DACH1: variants seen among roughly 807,000 people sequenced by gnomAD.
The protein encoded by DACH1 is dachshund family transcription factor 1.
A neutral mutation model predicts 54.2 loss-of-function variants in DACH1; 12 were observed. That is an observed-to-expected ratio of 0.22 (90% confidence interval 0.14 to 0.36). The LOEUF (loss-of-function observed/expected upper bound fraction) is 0.36, where lower values mean the gene tolerates loss of function less well. Ranked by LOEUF, DACH1 falls within the 10% of genes least tolerant of loss-of-function variation. The pLI is 1.00. For synonymous variants in DACH1, 386 were observed against 366.2 expected (o/e 1.05, Z -0.62); for missense variants, 805 against 929.8 (o/e 0.87, Z 1.75).
intron 10 of DACH1, among the ~76,000 whole-genome samples, chr13:71,444,094 A>C (rs1874238972): frequency 6.6e-6 from 1 of 152,070 alleles, no homozygotes; most frequent in African/African-American, 2.4e-5. Context: ...TAGTAAACAA[A>C]CCTAATAATA....
intron 6 of DACH1, among the ~76,000 whole-genome samples, chr13:71,505,164 C>T (rs993440905): frequency 3.9e-5 from 6 of 152,042 alleles, no homozygotes; most frequent in Non-Finnish European, 7.4e-5. Context: ...TTCACTGCAA[C>T]GTCCGGCTCC....
intron 3 of DACH1, among the ~76,000 whole-genome samples, chr13:71,576,509 T>A (rs1426060474): frequency 6.6e-6 from 1 of 152,158 alleles, no homozygotes. Flanking sequence ...CACTTGATAT[T>A]TTTATTGCAT....
At chr13:71,617,376 C>G (rs1207443900) in intron 3 of DACH1, among the ~76,000 whole-genome samples, 1 of 152,138 alleles carries the variant, frequency 6.6e-6, no homozygotes, top group Admixed American at 6.5e-5. Context: ...TTACAGCCAA[C>G]TAATCAGAAT....
At chr13:71,732,435 A>G (rs1248782927) in intron 1 of DACH1, among the ~76,000 whole-genome samples, 1 of 151,850 alleles carries the variant, frequency 6.6e-6, no homozygotes, top group South Asian at 2.1e-4. Context: ...AAATACAAAA[A>G]TTAGCTGGGT....
At chr13:71,589,278 C>T (rs1873519586) in intron 3 of DACH1, among the ~76,000 whole-genome samples, 1 of 151,926 alleles carries the variant, frequency 6.6e-6, no homozygotes, top group South Asian at 2.1e-4. Flanking sequence ...GATTTTATTA[C>T]ACTGTTGGTT....
chr13:71,728,139 G>A (rs1477735215), intron 1 of DACH1, among the ~76,000 whole-genome samples: 1 of 151,926 alleles, frequency 6.6e-6, no homozygotes, highest in African/African-American at 2.4e-5. Context: ...AGAAAAACGG[G>A]AAAAACTACC....
chr13:71,578,436 T>C (rs556059726), intron 3 of DACH1, among the ~76,000 whole-genome samples: 1 of 152,288 alleles, frequency 6.6e-6, no homozygotes, highest in South Asian at 2.1e-4. Flanking sequence ...GGTGAGAGAA[T>C]AAACAAGTTA....
At chr13:71,456,019 CA>C (rs1395889124) in intron 10 of DACH1, among the ~76,000 whole-genome samples, 2 of 151,974 alleles carry the variant, frequency 1.3e-5, no homozygotes. Flanking sequence ...TGTCCTATTA[CA>C]AAAAACTGTA....
rs142802568 is a variant in DACH1, at chr13:71,699,790, G to A, written c.849-17880C>T. On this transcript the variant is annotated intron_variant, in intron 1 of 10. Coordinates refer to ENST00000613252, the MANE Select transcript of DACH1 (RefSeq NM_080759.6). ...GCATATTGGTCTTATTTATAGGAAC[G>A]CATAACTAACAAAGAAATATCAAAA... 5.0e-3 allele frequency among the ~76,000 whole-genome samples: 758 copies of A among 152,108 alleles called. 6 individuals carry two copies. Among genetic ancestry groups the A allele is most frequent in the African/African-American group, 0.017 (724 of 41,492 alleles).
At chr13:71,709,204 T>C (rs989036242) in intron 1 of DACH1, among the ~76,000 whole-genome samples, 6 of 152,072 alleles carry the variant, frequency 3.9e-5, no homozygotes, top group African/African-American at 1.4e-4. Flanking sequence ...CTTATATATG[T>C]ACTTTTTTAA....
chr13:71,454,395 T>C (rs1875363185), intron 10 of DACH1, among the ~76,000 whole-genome samples: 1 of 152,170 alleles, frequency 6.6e-6, no homozygotes, highest in African/African-American at 2.4e-5. Context: ...CCATACATGA[T>C]ACCTTCTCCT....
intron 1 of DACH1, among the ~76,000 whole-genome samples, chr13:71,767,161 AAATT>A (rs1370564770): frequency 2.0e-5 from 3 of 151,956 alleles, no homozygotes; most frequent in South Asian, 2.1e-4. Flanking sequence ...GTTTATCAAT[AAATT>A]AAGTTAATAT....
At chr13:71,774,831 A>G (rs1235133016) in intron 1 of DACH1, among the ~76,000 whole-genome samples, 3 of 152,148 alleles carry the variant, frequency 2.0e-5, no homozygotes, top group African/African-American at 7.2e-5. Context: ...AAAATAGGTC[A>G]CTGTCATTTT....
At chr13:71,594,378 G>A (rs1385682268) in intron 3 of DACH1, among the ~76,000 whole-genome samples, 1 of 151,948 alleles carries the variant, frequency 6.6e-6, no homozygotes, top group Non-Finnish European at 1.5e-5. Flanking sequence ...GATTTAGAGA[G>A]ATATAACTAC....
chr13:71,579,636 C>T (rs999345231), intron 3 of DACH1, among the ~76,000 whole-genome samples: 18 of 152,034 alleles, frequency 1.2e-4, no homozygotes, highest in African/African-American at 3.6e-4. Flanking sequence ...TTTTGGAACT[C>T]ATAAAATTTA....
At chr13:71,550,401 G>A (rs1883734139) in intron 6 of DACH1, among the ~76,000 whole-genome samples, 2 of 152,116 alleles carry the variant, frequency 1.3e-5, no homozygotes, top group Non-Finnish European at 2.9e-5. Flanking sequence ...CTAGTGGATA[G>A]GAAGGCATAC....
rs149568632 is a variant in DACH1 at position 71,485,825 on chromosome 13, C to T, written c.1722+3172G>A. On this transcript the variant is annotated intron_variant, in intron 7 of 10. Transcript: ENST00000613252. ...CTCAATCTCTGGACCTTGAGATCCA[C>T]CCACCTAGGCCTCCCAAAGTGCTGG... Among the ~76,000 whole-genome samples, 304 of 151,698 alleles carry T rather than the reference C, an allele frequency of 2.0e-3. 1 individual carries two copies. Among genetic ancestry groups the T allele is most frequent in the African/African-American group, 7.0e-3 (290 of 41,424 alleles).
rs1220451854 is a variant in DACH1, at chr13:71,466,968, T to C, written c.2083+8173A>G. 2.6e-5 allele frequency among the ~76,000 whole-genome samples: 4 copies of C among 151,566 alleles called. No homozygotes were observed. In the South Asian group the frequency reaches 8.3e-4, roughly 32 times the overall value. ...TTCATGAAATGTCCCAACACAGACA[T>C]ATAATAACAATGGTTTCTTTTTCGT... On this transcript the variant is annotated intron_variant, in intron 10 of 10. Coordinates refer to ENST00000613252, the MANE Select transcript of DACH1 (RefSeq NM_080759.6).
chr13:71,851,611 C>T (rs372601343), intron 1 of DACH1, among the ~76,000 whole-genome samples: 206 of 152,196 alleles, frequency 1.4e-3, no homozygotes, highest in Non-Finnish European at 2.5e-3. Context: ...GACTTGTGAA[C>T]CACAAAGCCC....
Sources: gnomAD v4.1 joint callset for allele counts (sites outside exome capture counted in the v4.1 genomes callset) on GRCh38, gnomAD v4.1.1 for gene constraint, MANE v1.5 for transcripts, NCBI Gene and HGNC (gene_info 2026-07-23, HGNC 2026-07-21) for gene names.